Variants in NXPE2 observed in about 807,000 individuals in gnomAD.
The protein encoded by NXPE2 is neurexophilin and PC-esterase domain family member 2.
A neutral mutation model predicts 34.4 loss-of-function variants in NXPE2; 34 were observed. That is an observed-to-expected ratio of 0.99 (90% CI 0.75 to 1.31). The LOEUF (loss-of-function observed/expected upper bound fraction) is 1.31. NXPE2 is among the 40% of genes most tolerant of loss of function. The pLI, the probability that NXPE2 is intolerant of heterozygous loss-of-function variation, is 0.00. For missense variants in NXPE2, 649 were observed against 672.5 expected (o/e 0.97, Z 0.39); for synonymous variants, 235 against 231.3 (o/e 1.02, Z -0.15).
the NXPE2 span, among the ~76,000 whole-genome samples, chr11:114,780,218 A>G: frequency 6.6e-6 from 1 of 152,344 alleles, no homozygotes; most frequent in African/African-American, 2.4e-5. Context: ...CAGGAGGCAC[A>G]TGAGGGAGGT....
At chr11:114,535,210 A>G in the NXPE2 span, among the ~76,000 whole-genome samples, 2 of 151,962 alleles carry the variant, frequency 1.3e-5, no homozygotes, top group African/African-American at 2.4e-5. Flanking sequence ...GAAATACAAT[A>G]CTTTACAGAC....
In NXPE2 at chr11:114,698,433, C is replaced by T. The variant is rs749161552; in HGVS notation, c.521C>T (p.Thr174Ile). The change falls in exon 3 of 6, where the codon ACC becomes ATC. Residue 174 changes from threonine to isoleucine, a missense_variant. Transcript: ENST00000389586. ...SGKVTDFNNG[T>I]YLVSFTLFWE... ...AAGGTGACTGACTTCAACAACGGCA[C>T]CTACCTGGTCAGCTTCACTCTGTTC... 9.3e-6 allele frequency: 15 copies of T among 1,613,968 alleles called. No homozygotes were observed. The highest frequency in any genetic ancestry group is 1.2e-5 in the Non-Finnish European group (14 of 1,179,906).
the NXPE2 span, among the ~76,000 whole-genome samples, chr11:114,595,169 C>A: frequency 6.6e-6 from 1 of 152,246 alleles, no homozygotes; most frequent in Admixed American, 6.5e-5. Flanking sequence ...AGAACCACAT[C>A]ATTACAGTGC....
At chr11:114,676,118 C>T (rs1232683553), upstream of NXPE2, among the ~76,000 whole-genome samples, 1 of 151,906 alleles carries the variant, frequency 6.6e-6, no homozygotes, top group African/African-American at 2.4e-5. Context: ...GGATTAAAGA[C>T]TTAAACATAG....
chr11:114,737,625 C>G, the NXPE2 span, among the ~76,000 whole-genome samples: 357 of 152,204 alleles, frequency 2.3e-3, 3 homozygotes, highest in African/African-American at 8.3e-3. Flanking sequence ...AAAACAGAGA[C>G]TTGGTTTGAA....
chr11:114,506,011 TA>T, the NXPE2 span, among the ~76,000 whole-genome samples: 1 of 134,272 alleles, frequency 7.4e-6, no homozygotes, highest in Non-Finnish European at 1.6e-5. Flanking sequence ...AGGCTCAAAA[TA>T]AAGAAATGGA....
chr11:114,531,710 T>C, the NXPE2 span, among the ~76,000 whole-genome samples: 1 of 152,218 alleles, frequency 6.6e-6, no homozygotes, highest in Non-Finnish European at 1.5e-5. Flanking sequence ...GTCTTTCAGC[T>C]CTTGCTCTTT....
the NXPE2 span, among the ~76,000 whole-genome samples, chr11:114,757,221 T>G: frequency 1.3e-5 from 2 of 152,186 alleles, no homozygotes; most frequent in Non-Finnish European, 2.9e-5. Context: ...TTTAGTTTTC[T>G]TTTTTATTCC....
the NXPE2 span, among the ~76,000 whole-genome samples, chr11:114,498,227 A>T: frequency 6.6e-6 from 1 of 152,046 alleles, no homozygotes; most frequent in Non-Finnish European, 1.5e-5. Flanking sequence ...TATAGAGAAG[A>T]ATCACTTGAA....
chr11:114,618,059 ATAATAAGTGTTGCCTCATGGG>A, the NXPE2 span, among the ~76,000 whole-genome samples: 1 of 151,996 alleles, frequency 6.6e-6, no homozygotes, highest in Non-Finnish European at 1.5e-5. Context: ...TACCCTGTGG[ATAATAAGTGTTGCCTCATGGG>A]TAACCACTGT....
chr11:114,507,247 C>CAAAAA, the NXPE2 span, among the ~76,000 whole-genome samples: 7 of 91,412 alleles, frequency 7.7e-5, no homozygotes, highest in African/African-American at 2.7e-4. Context: ...GCCAACCAAC[C>CAAAAA]AAAAAAAAAA....
downstream of NXPE2, among the ~76,000 whole-genome samples, chr11:114,711,757 T>C (rs1214602303): frequency 6.6e-6 from 1 of 152,122 alleles, no homozygotes; most frequent in East Asian, 1.9e-4. Flanking sequence ...AATCATAAAA[T>C]TCATGTAGAA....
At chr11:114,619,060 C>G in the NXPE2 span, among the ~76,000 whole-genome samples, 1 of 151,966 alleles carries the variant, frequency 6.6e-6, no homozygotes, top group Admixed American at 6.6e-5. Flanking sequence ...CCACTGTTAC[C>G]TGGTGGATAA....
At chr11:114,800,733 C>A in the NXPE2 span, among the ~76,000 whole-genome samples, 93 of 152,214 alleles carry the variant, frequency 6.1e-4, no homozygotes, top group Non-Finnish European at 1.1e-3. Context: ...TAATCTTGGA[C>A]AAATTGTGTA....
chr11:114,614,383 A>G, the NXPE2 span, among the ~76,000 whole-genome samples: 1 of 151,504 alleles, frequency 6.6e-6, no homozygotes, highest in Admixed American at 6.6e-5. Context: ...CTGGTGGATA[A>G]TAAGTGTAGC....
At chr11:114,694,534 T>C (rs1420021808) in intron 2 of NXPE2, among the ~76,000 whole-genome samples, 1 of 152,214 alleles carries the variant, frequency 6.6e-6, no homozygotes, top group East Asian at 1.9e-4. Context: ...ATATTTCTTC[T>C]GTTCCTTTCT....
At chr11:114,597,203 A>G in the NXPE2 span, among the ~76,000 whole-genome samples, 1 of 152,350 alleles carries the variant, frequency 6.6e-6, no homozygotes, top group African/African-American at 2.4e-5. Context: ...TAATAAATCA[A>G]CAATGAAGAT....
the NXPE2 span, among the ~76,000 whole-genome samples, chr11:114,544,252 G>A: frequency 6.6e-6 from 1 of 152,006 alleles, no homozygotes; most frequent in Non-Finnish European, 1.5e-5. Flanking sequence ...TATATGGAAA[G>A]GTAAAGGAAC....
chr11:114,476,567 G>T, the NXPE2 span, among the ~76,000 whole-genome samples: 2 of 152,196 alleles, frequency 1.3e-5, no homozygotes, highest in African/African-American at 2.4e-5. Context: ...TCATGGCTGG[G>T]TTAAGCCTCA....
Sources: allele counts gnomAD v4.1 joint callset (sites outside exome capture counted in the v4.1 genomes callset), GRCh38; gene constraint gnomAD v4.1.1; transcripts MANE v1.5; gene names NCBI Gene and HGNC (gene_info 2026-07-23, HGNC 2026-07-21).